The following FER variants were observed in gnomAD, a reference collection of about 807,000 sequenced individuals.
FER encodes FER tyrosine kinase.
Under a neutral mutation model 111.0 loss-of-function variants are expected in FER, and 63 were observed. The observed-to-expected ratio is 0.57, with a 90% CI of 0.46 to 0.70. The LOEUF is 0.70. FER is among the 30% of genes least tolerant of loss of function. The pLI is 0.00. For missense variants in FER, 914 were observed against 954.0 expected (o/e 0.96, Z 0.55); for synonymous variants, 327 against 313.9 (o/e 1.04, Z -0.44).
intron 17 of FER, among the ~76,000 whole-genome samples, chr5:109,111,183 G>T (rs1749570936): frequency 6.6e-6 from 1 of 152,056 alleles, no homozygotes; most frequent in Non-Finnish European, 1.5e-5. Context: ...AATTTATAGA[G>T]GGTTATATTT....
At position 109,195,459 on chromosome 5, in the gene FER, G is replaced by A. The variant is rs1379482474; in HGVS notation, c.*7884G>A. 6.6e-6 allele frequency: 1 copy of A among 152,094 alleles called. No individual in the cohort carries two copies. The highest frequency in any genetic ancestry group is 2.4e-5 in the African/African-American group (1 of 41,408). 9.4% of individuals were successfully genotyped at this position (152,094 alleles called of 1,614,324 possible). On this transcript the variant is annotated 3_prime_UTR_variant, in exon 20 of 20. Transcript: ENST00000281092. ...TTTGGCTTTAGTGTCAAAGAGATTG[G>A]TTCTACAAGGTTCATCTGATTTCCC...
At chr5:108,845,959 G>A (rs375897941) in intron 5 of FER, among the ~76,000 whole-genome samples, 4 of 152,234 alleles carry the variant, frequency 2.6e-5, no homozygotes, top group African/African-American at 9.6e-5. Context: ...CGCTAGTCAT[G>A]ACTAAGGATA....
intron 3 of FER, 36 bp from the exon 4 acceptor site, chr5:108,832,734 A>T: frequency 7.0e-7 from 1 of 1,420,372 alleles, no homozygotes; most frequent in Non-Finnish European, 9.3e-7. Context: ...GAAACCTTTA[A>T]TGCAAATGTT....
At chr5:108,956,155 A>C (rs1275661976) in intron 12 of FER, among the ~76,000 whole-genome samples, 1 of 151,708 alleles carries the variant, frequency 6.6e-6, no homozygotes, top group African/African-American at 2.4e-5. Flanking sequence ...TGTTGTTTCT[A>C]ATAATGTGTC....
rs1336264873 is a variant in FER at position 109,100,386 on chromosome 5, A to G, written c.1925-10A>G. 3.1e-6 allele frequency: 5 copies of G among 1,608,962 alleles called. No homozygotes were observed. The highest frequency in any genetic ancestry group is 3.4e-6 in the Non-Finnish European group (4 of 1,176,924). On this transcript the variant is annotated splice_polypyrimidine_tract_variant and intron_variant, in intron 16 of 19. Coordinates refer to ENST00000281092, the MANE Select transcript of FER (RefSeq NM_005246.4). ...ACTTTGTCTCATTGTTCATCTATCA[A>G]TTCCTCTAGGAGGTGATTTCCTCAC... is the stretch of plus-strand genomic sequence containing the variant.
At chr5:109,058,690 G>A (rs973976944) in intron 16 of FER, among the ~76,000 whole-genome samples, 16 of 121,406 alleles carry the variant, frequency 1.3e-4, no homozygotes, top group Non-Finnish European at 2.5e-4. Flanking sequence ...ATATAATTTT[G>A]TGCTATCTTC....
intron 17 of FER, among the ~76,000 whole-genome samples, chr5:109,177,202 A>G (rs896107943): frequency 2.6e-5 from 4 of 152,174 alleles, no homozygotes; most frequent in African/African-American, 9.7e-5. Context: ...CTAACTATAT[A>G]AATACATTTT....
intron 13 of FER, among the ~76,000 whole-genome samples, chr5:109,023,168 G>A (rs1011777901): frequency 2.0e-5 from 3 of 152,086 alleles, no homozygotes; most frequent in Non-Finnish European, 4.4e-5. Context: ...TGTATGTGTC[G>A]AGTGATGTTT....
chr5:108,962,418 C>T (rs181873082), intron 13 of FER, among the ~76,000 whole-genome samples: 4 of 152,330 alleles, frequency 2.6e-5, no homozygotes, highest in African/African-American at 7.2e-5. Context: ...AATAACACAT[C>T]AAGCCCTTTT....
intron 17 of FER, among the ~76,000 whole-genome samples, chr5:109,158,553 A>G (rs966220613): frequency 6.6e-6 from 1 of 152,154 alleles, no homozygotes; most frequent in Non-Finnish European, 1.5e-5. Context: ...TTGTCATTCA[A>G]TCTACCATTT....
rs1759479695 is a variant in FER at position 109,192,933 on chromosome 5, AAGAAAG to A, written c.*5362_*5367del. 1 of 152,176 alleles carries A rather than the reference AAGAAAG, an allele frequency of 6.6e-6. No homozygotes were observed. Among genetic ancestry groups the A allele is most frequent in the Non-Finnish European group, 1.5e-5 (1 of 68,018 alleles). The allele number at this position is 152,176 out of a possible 1,614,324, so 9.4% of individuals were successfully genotyped here. A position where few individuals can be genotyped will look rare whatever the true frequency, so the allele number is the denominator to read the frequency against. On this transcript the variant is annotated 3_prime_UTR_variant, in exon 20 of 20. Transcript: ENST00000281092. ...CAGGGTGCCTAAGGTAAGACACAAA[AAGAAAG>A]AGACATCCAGAAAGGAAGGTTGAAA...
chr5:108,876,639 A>G (rs1175005660), intron 8 of FER, among the ~76,000 whole-genome samples: 5 of 152,222 alleles, frequency 3.3e-5, no homozygotes, highest in East Asian at 3.8e-4. Flanking sequence ...TTATTATGCA[A>G]TTGCACCATG....
At chr5:108,813,038 T>G (rs1385479081) in intron 3 of FER, among the ~76,000 whole-genome samples, 1 of 152,118 alleles carries the variant, frequency 6.6e-6, no homozygotes, top group Non-Finnish European at 1.5e-5. Context: ...GATTCAGGTT[T>G]CTAGCTTGTA....
intron 1 of FER, among the ~76,000 whole-genome samples, chr5:108,766,850 C>T (rs1254438916): frequency 6.6e-6 from 1 of 152,036 alleles, no homozygotes; most frequent in African/African-American, 2.4e-5. Context: ...ATGGCACAGG[C>T]AAAAAGTGAG....
chr5:108,879,263 T>C (rs1765396827), intron 8 of FER, among the ~76,000 whole-genome samples: 1 of 152,220 alleles, frequency 6.6e-6, no homozygotes, highest in Admixed American at 6.6e-5. Flanking sequence ...TTATTTAAGT[T>C]CCAGATACAT....
intron 17 of FER, among the ~76,000 whole-genome samples, chr5:109,146,612 C>T (rs1476885600): frequency 1.3e-5 from 2 of 151,892 alleles, no homozygotes; most frequent in African/African-American, 4.8e-5. Flanking sequence ...ACATGTATGA[C>T]ATGACATGGA....
chr5:109,045,268 T>A (rs1224528117), intron 15 of FER, among the ~76,000 whole-genome samples: 1 of 149,136 alleles, frequency 6.7e-6, no homozygotes, highest in Non-Finnish European at 1.5e-5. Flanking sequence ...TACATTTAAG[T>A]ATATACATTT....
At chr5:108,840,893 T>C (rs765445553) in intron 5 of FER, among the ~76,000 whole-genome samples, 1 of 152,172 alleles carries the variant, frequency 6.6e-6, no homozygotes, top group Non-Finnish European at 1.5e-5. Context: ...TACATTGGCA[T>C]GTGTGAATAA....
At chr5:108,809,224 T>C (rs1294718980) in intron 3 of FER, among the ~76,000 whole-genome samples, 1 of 152,236 alleles carries the variant, frequency 6.6e-6, no homozygotes, top group Admixed American at 6.5e-5. Context: ...TTCTCAGGAA[T>C]GACGTAACTT....
Sources: allele counts gnomAD v4.1 joint callset (sites outside exome capture counted in the v4.1 genomes callset), GRCh38; gene constraint gnomAD v4.1.1; transcripts MANE v1.5; gene names NCBI Gene and HGNC (gene_info 2026-07-23, HGNC 2026-07-21).